The following MN1 variants were observed in gnomAD, a reference collection of about 807,000 sequenced individuals.
The protein encoded by MN1 is MN1 proto-oncogene, transcriptional regulator.
A neutral mutation model predicts 86.9 loss-of-function variants in MN1; 19 were observed. The observed-to-expected ratio is 0.22, with a 90% CI of 0.15 to 0.32. MN1 has a LOEUF of 0.32. Among genes scored for constraint, MN1 ranks in the 10% least tolerant of loss-of-function variants. MN1 has a pLI of 1.00. For synonymous variants in MN1, 928 were observed against 849.6 expected (o/e 1.09, Z -1.60); for missense variants, 1,841 against 1,862.0 (o/e 0.99, Z 0.21).
chr22:27,779,962 T>C (rs945468894), intron 1 of MN1, among the ~76,000 whole-genome samples: 6 of 152,146 alleles, frequency 3.9e-5, no homozygotes, highest in Non-Finnish European at 8.8e-5. Flanking sequence ...CTCCCACCTG[T>C]GGTAGGCTGA....
Position 27,798,666 on chromosome 22 carries a change from C to A in MN1, c.1878G>T (p.Ala626=), listed in dbSNP as rs764128239. The change falls in exon 1 of 2, where the codon GCG becomes GCT. Residue 626 remains alanine, a synonymous_variant. Transcript: ENST00000302326. ...GACCTGAGAACCACGCGCTCTCTTGCGCCAAGTGCGGCGCCTGCTGCTCGA... is the reference window on the plus strand; with the variant it reads ...GACCTGAGAACCACGCGCTCTCTTGAGCCAAGTGCGGCGCCTGCTGCTCGA... The part of the protein sequence containing the change: ...GTFEQQAPHL[A]QESAWFSGPH... 5.8e-6 allele frequency: 9 copies of A among 1,548,340 alleles called. No homozygotes were observed. In the African/African-American group the frequency reaches 9.5e-5, roughly 16 times the overall value.
intron 1 of MN1, among the ~76,000 whole-genome samples, chr22:27,757,411 T>C (rs1475138521): frequency 6.6e-6 from 1 of 152,206 alleles, no homozygotes; most frequent in Non-Finnish European, 1.5e-5. Flanking sequence ...TGGGGCAGTT[T>C]CTTCATCCCT....
rs1932733629 is a variant in MN1 at position 27,749,138 on chromosome 22, TCAGACC to T, written c.*1771_*1776del. The T allele has an allele frequency of 4.3e-6, 1 of 232,032 alleles. No individual in the cohort carries two copies. The highest frequency in any genetic ancestry group is 2.2e-5 in the African/African-American group (1 of 45,366). The allele number at this position is 232,032 out of a possible 1,614,324, so 14.4% of individuals were successfully genotyped here. ...GACTGCCCAGGCGAGAACCGCAGAC[TCAGACC>T]CCAGCCAAAAGGACCGGCAGAAGGA... On this transcript the variant is annotated 3_prime_UTR_variant, in exon 2 of 2. Transcript: ENST00000302326.
chr22:27,751,169 G>A (rs1601319676), intron 1 of MN1, 73 bp from the exon 2 acceptor site: 1 of 1,355,158 alleles, frequency 7.4e-7, no homozygotes. Flanking sequence ...GGGGGCCAAA[G>A]TGGCAGAGGC....
chr22:27,801,521 T>C lies in MN1; in HGVS notation c.-978A>G. 1 of 171,170 alleles carries C rather than the reference T, an allele frequency of 5.8e-6. No individual in the cohort carries two copies. The highest frequency in any genetic ancestry group is 1.2e-5 in the Non-Finnish European group (1 of 80,060). The allele number at this position is 171,170 out of a possible 1,614,324, so 10.6% of individuals were successfully genotyped here. On this transcript the variant is annotated 5_prime_UTR_variant, in exon 1 of 2. Transcript: ENST00000302326. Reference sequence around the variant, plus strand: ...CGCTGAGGTGCTTCGCGAGTCCCTCTCGGACCTGAGGGAGGGGGGCGTACG... The same window carrying C: ...CGCTGAGGTGCTTCGCGAGTCCCTCCCGGACCTGAGGGAGGGGGGCGTACG...
chr22:27,781,258 A>C lies in MN1; in HGVS notation c.3781+15505T>G, dbSNP rs973366693. Among the ~76,000 whole-genome samples the C allele has an allele frequency of 2.6e-5, 4 of 152,260 alleles. No individual in the cohort carries two copies. In the South Asian group the frequency reaches 8.3e-4, roughly 32 times the overall value. ...GAGTATTATTTTGAACCTAACCTCA[A>C]TCACTCACTGTAGTTCAGAGTTTCT... is the stretch of plus-strand genomic sequence containing the variant. On this transcript the variant is annotated intron_variant, in intron 1 of 1. Coordinates refer to ENST00000302326, the MANE Select transcript of MN1 (RefSeq NM_002430.3).
In MN1 at chr22:27,799,287, C is replaced by T; in HGVS notation, c.1257G>A (p.Met419Ile). The T allele has an allele frequency of 6.3e-7, 1 of 1,586,832 alleles. No homozygotes were observed. The change falls in exon 1 of 2, where the codon ATG becomes ATA. Residue 419 changes from methionine (M) to isoleucine (I), a missense_variant. Physicochemically the swap from Met to Ile is conservative, Grantham distance 10 (BLOSUM62 1). Coordinates refer to ENST00000302326, the MANE Select transcript of MN1 (RefSeq NM_002430.3). The stretch of plus-strand genomic sequence containing the variant: ...TGAAAACAGGCTCGGAATAAGGGTG[C>T]ATGCTCCGGTTCTCCAGCCGGTGGA... ...YPIHRLENRS[M>I]HPYSEPVFSM...
rs998199456 is a variant in MN1 at position 27,749,132 on chromosome 22, G to A, written c.*1783C>T. The A allele has an allele frequency of 1.7e-5, 4 of 231,590 alleles. No individual in the cohort carries two copies. Among genetic ancestry groups the A allele is most frequent in the Non-Finnish European group, 2.6e-5 (3 of 117,030 alleles). The allele number at this position is 231,590 out of a possible 1,614,324, so 14.3% of individuals were successfully genotyped here. The stretch of plus-strand genomic sequence containing the variant: ...CGTCAAGACTGCCCAGGCGAGAACC[G>A]CAGACTCAGACCCCAGCCAAAAGGA... On this transcript the variant is annotated 3_prime_UTR_variant, in exon 2 of 2. Coordinates refer to ENST00000302326, the MANE Select transcript of MN1 (RefSeq NM_002430.3).
intron 1 of MN1, among the ~76,000 whole-genome samples, chr22:27,792,087 T>G (rs1161464083): frequency 6.6e-6 from 1 of 152,118 alleles, no homozygotes; most frequent in South Asian, 2.1e-4. Flanking sequence ...TGTGGAAATT[T>G]AAATACCTCT....
intron 1 of MN1, among the ~76,000 whole-genome samples, chr22:27,773,805 C>G (rs1932942212): frequency 6.6e-6 from 1 of 152,178 alleles, no homozygotes; most frequent in Non-Finnish European, 1.5e-5. Flanking sequence ...CAGACACACG[C>G]CACCATGCCC....
chr22:27,782,336 G>T (rs929805770), intron 1 of MN1, among the ~76,000 whole-genome samples: 1 of 152,202 alleles, frequency 6.6e-6, no homozygotes, highest in Non-Finnish European at 1.5e-5. Flanking sequence ...CCCGCCCTAT[G>T]ACATTGTGAC....
rs982095100 is a variant in MN1 at position 27,801,743 on chromosome 22, G to T, written c.-1200C>A. 2.6e-5 allele frequency among the ~76,000 whole-genome samples: 4 copies of T among 152,208 alleles called. No individual in the cohort carries two copies. Among genetic ancestry groups the T allele is most frequent in the Non-Finnish European group, 4.4e-5 (3 of 68,034 alleles). On this transcript the variant is annotated 5_prime_UTR_variant, in exon 1 of 2. Coordinates refer to ENST00000302326, the MANE Select transcript of MN1 (RefSeq NM_002430.3). The stretch of plus-strand genomic sequence containing the variant: ...TGTGTCTGCCTCTCGCCCAGCGCCG[G>T]GAGAAGCAGCAACAAGTTTTGCATT...
At chr22:27,795,739 A>ACT (rs1555883697) in intron 1 of MN1, among the ~76,000 whole-genome samples, 1 of 151,748 alleles carries the variant, frequency 6.6e-6, no homozygotes, top group Non-Finnish European at 1.5e-5. Context: ...ACACACACAC[A>ACT]CGCACTTTAT....
intron 1 of MN1, among the ~76,000 whole-genome samples, chr22:27,775,853 G>A (rs1471245222): frequency 3.3e-5 from 5 of 152,174 alleles, no homozygotes; most frequent in Admixed American, 6.5e-5. Flanking sequence ...GAATGGCACC[G>A]ACAGCAGCTG....
chr22:27,755,066 G>T (rs1319931042), intron 1 of MN1, among the ~76,000 whole-genome samples: 1 of 152,184 alleles, frequency 6.6e-6, no homozygotes, highest in Non-Finnish European at 1.5e-5. Flanking sequence ...GAGGCTCTAA[G>T]GGGCAGGAGC....
chr22:27,775,079 A>C (rs568861292), intron 1 of MN1, among the ~76,000 whole-genome samples: 5 of 152,284 alleles, frequency 3.3e-5, no homozygotes, highest in African/African-American at 1.2e-4. Flanking sequence ...AGAATGGGGG[A>C]TACATCAGGC....
chr22:27,799,510 G>C lies in MN1; in HGVS notation c.1034C>G (p.Pro345Arg), dbSNP rs1331590918. 4 of 1,451,450 alleles carry C rather than the reference G, an allele frequency of 2.8e-6. No homozygotes were observed. The East Asian group carries it at 1.0e-4, about 37-fold the overall frequency. The allele number at this position is 1,451,450 out of a possible 1,614,324, so 89.9% of individuals were successfully genotyped here. The change falls in exon 1 of 2, where the codon CCG (proline) becomes CGG (arginine). Residue 345 changes from proline (P) to arginine (R), a missense_variant. By Grantham distance (103) the Pro-to-Arg change is moderately radical (BLOSUM62 -2). Transcript: ENST00000302326. ...HPLMQPPQQA[P>R]PPPQQQPPQQ... The stretch of plus-strand genomic sequence containing the variant: ...CGGGGGCTGCTGCTGAGGGGGTGGC[G>C]GGGCCTGCTGGGGAGGCTGCATTAA...
At chr22:27,774,884 C>T (rs1178057760) in intron 1 of MN1, among the ~76,000 whole-genome samples, 1 of 152,152 alleles carries the variant, frequency 6.6e-6, no homozygotes, top group Non-Finnish European at 1.5e-5. Flanking sequence ...CTGACAATAC[C>T]CAGGCCAGCT....
In MN1 at chr22:27,801,019, G is replaced by A. The variant is rs1287309169; in HGVS notation, c.-476C>T. 3.7e-6 allele frequency: 1 copy of A among 268,334 alleles called. No homozygotes were observed. Among genetic ancestry groups the A allele is most frequent in the Admixed American group, 4.8e-5 (1 of 20,924 alleles). The allele number at this position is 268,334 out of a possible 1,614,324, so 16.6% of individuals were successfully genotyped here. On this transcript the variant is annotated 5_prime_UTR_variant, in exon 1 of 2. Transcript: ENST00000302326. ...CGGAGTCCGTGGCAGAGCTGCTAAG[G>A]GCAGGGGAGGGAGACCCTTCAAAGC... is the stretch of plus-strand genomic sequence containing the variant.
Sources: gnomAD v4.1 joint callset for allele counts (sites outside exome capture counted in the v4.1 genomes callset) on GRCh38, gnomAD v4.1.1 for gene constraint, MANE v1.5 for transcripts, NCBI Gene and HGNC (gene_info 2026-07-23, HGNC 2026-07-21) for gene names.